Variants in UNC5C observed in about 807,000 individuals in gnomAD.
UNC5C encodes the protein unc-5 netrin receptor C.
In UNC5C, 47 loss-of-function variants were observed where a neutral mutation model predicts 99.8. The observed-to-expected ratio is 0.47, with a 90% CI of 0.37 to 0.60. UNC5C has a LOEUF of 0.60. UNC5C is among the 20% of genes least tolerant of loss of function. The pLI, the probability that UNC5C is intolerant of heterozygous loss-of-function variation, is 0.00. For synonymous variants in UNC5C, 487 were observed against 452.2 expected, an observed-to-expected ratio of 1.08 and a Z score of -0.98; for missense variants, 1,062 against 1,165.9, an observed-to-expected ratio of 0.91 and a Z score of 1.30.
At chr4:95,490,490 T>C (rs1016962335) in intron 1 of UNC5C, among the ~76,000 whole-genome samples, 3 of 151,768 alleles carry the variant, frequency 2.0e-5, no homozygotes, top group Admixed American at 1.3e-4. Context: ...AGATTCTGCA[T>C]GTATATATCT....
At chr4:95,444,831 C>T (rs1386868198) in intron 1 of UNC5C, among the ~76,000 whole-genome samples, 3 of 151,952 alleles carry the variant, frequency 2.0e-5, no homozygotes, top group Admixed American at 2.0e-4. Flanking sequence ...TCTGCAACTC[C>T]GCGATTTTGC....
intron 2 of UNC5C, among the ~76,000 whole-genome samples, chr4:95,326,128 G>A (rs2149415504): frequency 6.6e-6 from 1 of 152,222 alleles, no homozygotes; most frequent in Middle Eastern, 3.4e-3. Context: ...ATTTACCAAA[G>A]GAGAATCTTA....
At chr4:95,237,538 A>T (rs1739164668) in intron 7 of UNC5C, among the ~76,000 whole-genome samples, 1 of 152,238 alleles carries the variant, frequency 6.6e-6, no homozygotes, top group African/African-American at 2.4e-5. Flanking sequence ...TTATCCAAAC[A>T]CTATCAAACT....
chr4:95,206,319 T>A (rs1737873935), intron 11 of UNC5C, among the ~76,000 whole-genome samples: 1 of 151,776 alleles, frequency 6.6e-6, no homozygotes, highest in Non-Finnish European at 1.5e-5. Flanking sequence ...ATATTATATA[T>A]ACACACATAT....
At chr4:95,254,370 T>C (rs1739872617) in intron 4 of UNC5C, among the ~76,000 whole-genome samples, 2 of 152,164 alleles carry the variant, frequency 1.3e-5, no homozygotes, top group South Asian at 4.1e-4. Flanking sequence ...CGCTTCACAA[T>C]AGAATAATGT....
chr4:95,379,423 A>G (rs1386749359), intron 1 of UNC5C, among the ~76,000 whole-genome samples: 2 of 152,196 alleles, frequency 1.3e-5, no homozygotes, highest in Non-Finnish European at 2.9e-5. Context: ...TCTAAGCTTT[A>G]GAAAATACAA....
At chr4:95,214,499 TC>T (rs1284872110) in intron 10 of UNC5C, among the ~76,000 whole-genome samples, 1 of 152,266 alleles carries the variant, frequency 6.6e-6, no homozygotes, top group African/African-American at 2.4e-5. Flanking sequence ...GTTTTCTCTT[TC>T]TTTCATCTAA....
chr4:95,429,280 T>TAAAAA (rs112203195), intron 1 of UNC5C, among the ~76,000 whole-genome samples: 2 of 94,960 alleles, frequency 2.1e-5, no homozygotes, highest in African/African-American at 3.0e-5. Context: ...TAGTGATTCT[T>TAAAAA]AAAAAAAAAA....
intron 1 of UNC5C, among the ~76,000 whole-genome samples, chr4:95,538,306 T>C (rs1722830351): frequency 6.6e-6 from 1 of 152,228 alleles, no homozygotes; most frequent in Non-Finnish European, 1.5e-5. Context: ...CGGGGTTATG[T>C]GCAGTTACTG....
Position 95,163,901 on chromosome 4 carries a change from G to A in UNC5C, c.*5333C>T, listed in dbSNP as rs1735766707. 6.6e-6 allele frequency: 1 copy of A among 152,132 alleles called. No individual in the cohort carries two copies. The highest frequency in any genetic ancestry group is 2.4e-5 in the African/African-American group (1 of 41,406). The allele number at this position is 152,132 out of a possible 1,614,324, so 9.4% of individuals were successfully genotyped here. ...GATGAAGAGCTGCTAATAATTGGTGGGCTTGCTGTGCCAGTACACTTGCGG... is the reference window on the plus strand; with the variant it reads ...GATGAAGAGCTGCTAATAATTGGTGAGCTTGCTGTGCCAGTACACTTGCGG... On this transcript the variant is annotated 3_prime_UTR_variant, in exon 16 of 16. Coordinates refer to ENST00000453304, the MANE Select transcript of UNC5C (RefSeq NM_003728.4).
At chr4:95,332,878 AAAAC>A (rs1263446428) in intron 2 of UNC5C, among the ~76,000 whole-genome samples, 2 of 152,098 alleles carry the variant, frequency 1.3e-5, no homozygotes, top group Admixed American at 6.6e-5. Context: ...TTACAAGAAA[AAAAC>A]AAACAACCCC....
rs574675678 is a variant in UNC5C, at chr4:95,517,979, C to T, written c.124+30755G>A. 3.3e-5 allele frequency among the ~76,000 whole-genome samples: 5 copies of T among 152,210 alleles called. No individual in the cohort carries two copies. In the East Asian group the frequency reaches 9.7e-4, roughly 29 times the overall value. On this transcript the variant is annotated intron_variant, in intron 1 of 15. Coordinates refer to ENST00000453304, the MANE Select transcript of UNC5C (RefSeq NM_003728.4). ...GCAAGTGACGTGAGTGACGTTAAAA[C>T]ATCTGGGAGACGTTAGAGACTGCAT...
At chr4:95,512,676 T>G (rs1247619621) in intron 1 of UNC5C, among the ~76,000 whole-genome samples, 1 of 152,182 alleles carries the variant, frequency 6.6e-6, no homozygotes, top group Non-Finnish European at 1.5e-5. Flanking sequence ...TCAATGGGGT[T>G]CAAAGATTTA....
At chr4:95,271,675 G>T (rs1007113636) in intron 4 of UNC5C, among the ~76,000 whole-genome samples, 2 of 152,150 alleles carry the variant, frequency 1.3e-5, no homozygotes, top group African/African-American at 4.8e-5. Context: ...AACCCATAAA[G>T]GTGTCCCTAA....
chr4:95,529,335 T>C (rs1264537368), intron 1 of UNC5C, among the ~76,000 whole-genome samples: 1 of 147,960 alleles, frequency 6.8e-6, no homozygotes, highest in East Asian at 1.9e-4. Context: ...TATATTTATA[T>C]GTATATATGT....
chr4:95,262,978 C>A (rs1346013543), intron 4 of UNC5C, among the ~76,000 whole-genome samples: 1 of 152,018 alleles, frequency 6.6e-6, no homozygotes, highest in Admixed American at 6.6e-5. Context: ...TCATGCCTGG[C>A]TAATTTTGTA....
At chr4:95,256,091 T>G (rs1373375630) in intron 4 of UNC5C, among the ~76,000 whole-genome samples, 2 of 152,122 alleles carry the variant, frequency 1.3e-5, no homozygotes, top group Non-Finnish European at 2.9e-5. Flanking sequence ...TGTCCTACAT[T>G]GCTTCATGCC....
intron 14 of UNC5C, among the ~76,000 whole-genome samples, chr4:95,178,412 GTGCACATTGGC>G (rs1736458737): frequency 6.6e-6 from 1 of 152,128 alleles, no homozygotes; most frequent in South Asian, 2.1e-4. Flanking sequence ...ACTCTGCTCT[GTGCACATTGGC>G]TGTATTTGTA....
chr4:95,263,465 G>T (rs1002994226), intron 4 of UNC5C, among the ~76,000 whole-genome samples: 2 of 152,200 alleles, frequency 1.3e-5, no homozygotes, highest in African/African-American at 4.8e-5. Flanking sequence ...GGAAGGCTGA[G>T]AACTGGGAAG....
Sources: gnomAD v4.1 joint callset for allele counts (sites outside exome capture counted in the v4.1 genomes callset) on GRCh38, gnomAD v4.1.1 for gene constraint, MANE v1.5 for transcripts, NCBI Gene and HGNC (gene_info 2026-07-23, HGNC 2026-07-21) for gene names.